Variants in COPG2 observed in about 807,000 individuals in gnomAD.
The protein encoded by COPG2 is coat protein complex I subunit gamma 2.
COPG2 carries 37 observed loss-of-function variants against 46.3 expected under a neutral mutation model. That is an observed-to-expected ratio of 0.80 (90% CI 0.61 to 1.05). The LOEUF (loss-of-function observed/expected upper bound fraction) is 1.05, where lower values mean the gene tolerates loss of function less well. Among genes scored for constraint, COPG2 ranks in the 50% least tolerant of loss-of-function variants. The pLI is 0.00. For missense variants in COPG2, 427 were observed against 387.8 expected (o/e 1.10, Z -0.85); for synonymous variants, 159 against 129.7 (o/e 1.23, Z -1.53).
At chr7:130,611,645 G>A (rs1371677033) in intron 8 of COPG2, among the ~76,000 whole-genome samples, 1 of 152,152 alleles carries the variant, frequency 6.6e-6, no homozygotes, top group Non-Finnish European at 1.5e-5. Flanking sequence ...TAAACATCAA[G>A]AGGGCATAAA....
At chr7:130,519,857 G>A (rs1194952047) in intron 20 of COPG2, among the ~76,000 whole-genome samples, 2 of 152,168 alleles carry the variant, frequency 1.3e-5, no homozygotes, top group African/African-American at 4.8e-5. Context: ...CAGAAGAACT[G>A]TATACAGAAT....
intron 5 of COPG2, among the ~76,000 whole-genome samples, chr7:130,638,876 T>A (rs934591908): frequency 1.3e-5 from 2 of 152,122 alleles, no homozygotes; most frequent in Non-Finnish European, 2.9e-5. Flanking sequence ...CCAGAGGGAA[T>A]CTCCTGGTCT....
At chr7:130,550,170 G>A (rs1793513759) in intron 17 of COPG2, among the ~76,000 whole-genome samples, 1 of 152,036 alleles carries the variant, frequency 6.6e-6, no homozygotes, top group Non-Finnish European at 1.5e-5. Flanking sequence ...TAGCACTGTG[G>A]GAGGCCGAGG....
chr7:130,550,921 T>C (rs1289170989), intron 16 of COPG2, among the ~76,000 whole-genome samples: 2 of 152,146 alleles, frequency 1.3e-5, no homozygotes, highest in Non-Finnish European at 2.9e-5. Context: ...AACTTAGCTA[T>C]ATGGGAACAA....
At chr7:130,628,967 G>A (rs1795173432) in intron 5 of COPG2, among the ~76,000 whole-genome samples, 2 of 152,188 alleles carry the variant, frequency 1.3e-5, no homozygotes, top group Admixed American at 1.3e-4. Context: ...AAGACTGCTT[G>A]AGCACAGGAG....
intron 20 of COPG2, among the ~76,000 whole-genome samples, chr7:130,542,577 A>C (rs1472308364): frequency 6.6e-6 from 1 of 151,946 alleles, no homozygotes; most frequent in East Asian, 1.9e-4. Context: ...ATTGACTTGG[A>C]GGTGGCAGGG....
intron 20 of COPG2, among the ~76,000 whole-genome samples, chr7:130,531,743 C>T (rs1399067294): frequency 2.6e-5 from 4 of 151,850 alleles, no homozygotes; most frequent in Non-Finnish European, 5.9e-5. Flanking sequence ...CACTAGAATG[C>T]TCCAGGCCTG....
chr7:130,625,164 G>A (rs1795096390), intron 5 of COPG2, among the ~76,000 whole-genome samples: 1 of 152,142 alleles, frequency 6.6e-6, no homozygotes, highest in Non-Finnish European at 1.5e-5. Context: ...TAGATGATTA[G>A]TGATGTTGGG....
intron 1 of COPG2, 34 bp downstream of exon 1, chr7:130,668,598 G>A (rs781787846): frequency 5.4e-5 from 81 of 1,504,442 alleles, no homozygotes; most frequent in Admixed American, 4.3e-5. Flanking sequence ...GGCGTCCCGC[G>A]GCTGAGGGTG....
At chr7:130,598,255 C>T (rs1554449955) in intron 9 of COPG2, among the ~76,000 whole-genome samples, 1 of 152,162 alleles carries the variant, frequency 6.6e-6, no homozygotes, top group Non-Finnish European at 1.5e-5. Context: ...ACAGTACTGC[C>T]TCAGGGCTTT....
intron 20 of COPG2, among the ~76,000 whole-genome samples, chr7:130,513,880 C>A (rs868950869): frequency 1.3e-5 from 2 of 152,104 alleles, no homozygotes. Context: ...GCAGAAGAGA[C>A]GGAGTCATTT....
intron 9 of COPG2, 106 bp downstream of exon 9, chr7:130,610,847 C>T (rs1301492455): frequency 1.8e-6 from 2 of 1,082,814 alleles, no homozygotes; most frequent in Non-Finnish European, 1.4e-6. Context: ...TTGAACTCAT[C>T]TGTAAAGTTA....
At chr7:130,573,798 TAGGTA>T (rs1290064028) in intron 9 of COPG2, among the ~76,000 whole-genome samples, 1 of 152,152 alleles carries the variant, frequency 6.6e-6, no homozygotes, top group Non-Finnish European at 1.5e-5. Flanking sequence ...ACATGTTACA[TAGGTA>T]AGTTCAACCA....
rs115391751 is a variant in COPG2 at position 130,608,100 on chromosome 7, T to G, written c.737+2853A>C. 1.0e-3 allele frequency: 360 copies of G among 353,760 alleles called. 2 individuals carry two copies. The highest frequency in any genetic ancestry group is 6.7e-3 in the African/African-American group (313 of 46,662). The allele number at this position is 353,760 out of a possible 1,614,324, so 21.9% of individuals were successfully genotyped here. On this transcript the variant is annotated intron_variant, in intron 9 of 23. Transcript: ENST00000425248. Reference sequence around the variant, plus strand: ...TTCCATTTTATCTTCTCTGTTGACATTTAAGATCTATATGTTTTACAAAGA... The same window carrying G: ...TTCCATTTTATCTTCTCTGTTGACAGTTAAGATCTATATGTTTTACAAAGA...
intron 4 of COPG2, among the ~76,000 whole-genome samples, chr7:130,656,537 T>C (rs1187434409): frequency 3.3e-5 from 5 of 152,148 alleles, no homozygotes; most frequent in African/African-American, 4.8e-5. Context: ...GCATCATATA[T>C]ACATTTTTTA....
chr7:130,636,546 T>G (rs1175623698), intron 5 of COPG2, among the ~76,000 whole-genome samples: 2 of 148,984 alleles, frequency 1.3e-5, no homozygotes, highest in South Asian at 4.2e-4. Flanking sequence ...CGGTTTTTTT[T>G]TTTTTTTTTT....
chr7:130,540,076 G>C (rs1041444199), intron 20 of COPG2, among the ~76,000 whole-genome samples: 17,458 of 151,388 alleles, frequency 0.12, 1,193 homozygotes, highest in East Asian at 0.22. Flanking sequence ...GATTTGGGTT[G>C]GGACTGACTG....
intron 20 of COPG2, among the ~76,000 whole-genome samples, chr7:130,516,699 A>G (rs4077745): frequency 0.17 from 25,564 of 152,106 alleles, 2,952 homozygotes; most frequent in Non-Finnish European, 0.24. Flanking sequence ...GAGAGTTGGG[A>G]ATTTGTCAGA....
At chr7:130,575,306 C>T (rs928411113) in intron 9 of COPG2, among the ~76,000 whole-genome samples, 2 of 152,078 alleles carry the variant, frequency 1.3e-5, no homozygotes, top group East Asian at 3.9e-4. Flanking sequence ...GTGAGACAGA[C>T]GCACCAGATA....
Sources: gnomAD v4.1 joint callset for allele counts (sites outside exome capture counted in the v4.1 genomes callset) on GRCh38, gnomAD v4.1.1 for gene constraint, MANE v1.5 for transcripts, NCBI Gene and HGNC (gene_info 2026-07-23, HGNC 2026-07-21) for gene names.